CDCA2: variants seen among roughly 807,000 people sequenced by gnomAD.
CDCA2 encodes cell division cycle-associated protein 2.
Under a neutral mutation model 67.0 loss-of-function variants are expected in CDCA2, and 44 were observed. That is an observed-to-expected ratio of 0.66 (90% CI 0.52 to 0.84). The LOEUF (loss-of-function observed/expected upper bound fraction) is 0.84, where lower values mean the gene tolerates loss of function less well. Among genes scored for constraint, CDCA2 ranks in the 40% least tolerant of loss-of-function variants. The probability of loss-of-function intolerance (pLI) is 0.00; values close to 1 mark genes in which losing one functional copy is unlikely to be tolerated. For synonymous variants in CDCA2, 447 were observed against 418.7 expected (o/e 1.07, Z -0.82); for missense variants, 1,253 against 1,203.2 (o/e 1.04, Z -0.61).
At chr8:25,467,165 T>C (rs549439380) in intron 5 of CDCA2, among the ~76,000 whole-genome samples, 399 of 150,538 alleles carry the variant, frequency 2.7e-3, no homozygotes, top group Non-Finnish European at 4.4e-3. Flanking sequence ...CTTTTTTTTT[T>C]CCCCCCCAAT....
chr8:25,480,245 G>A (rs938444245), intron 8 of CDCA2, 121 bp downstream of exon 8: 29 of 856,704 alleles, frequency 3.4e-5, no homozygotes, highest in South Asian at 9.5e-5. Flanking sequence ...TCGTCTTACC[G>A]TAAATTTTTT....
At chr8:25,466,803 G>A (rs1802918676) in intron 5 of CDCA2, among the ~76,000 whole-genome samples, 1 of 152,054 alleles carries the variant, frequency 6.6e-6, no homozygotes, top group Admixed American at 6.5e-5. Context: ...AGCACTTTGG[G>A]AGGCTGAGAC....
chr8:25,503,430 T>C lies in CDCA2; in HGVS notation c.1729T>C (p.Leu577=). 3 of 1,614,054 alleles carry C rather than the reference T, an allele frequency of 1.9e-6. No homozygotes were observed. The highest frequency in any genetic ancestry group is 2.5e-6 in the Non-Finnish European group (3 of 1,179,934). ...GKGKKSVQKS[L]YGERDIASKK... ...GGGAAAGAAAAGTGTTCAGAAATCTTTATATGGGGAAAGAGACATTGCTTC... is the reference window on the plus strand; with the variant it reads ...GGGAAAGAAAAGTGTTCAGAAATCTCTATATGGGGAAAGAGACATTGCTTC... Residue 577 remains leucine (L), a synonymous_variant, in exon 14 of 15, where the codon TTA becomes CTA. Coordinates refer to ENST00000330560, the MANE Select transcript of CDCA2 (RefSeq NM_152562.4).
intron 5 of CDCA2, 78 bp from the exon 6 acceptor site, chr8:25,468,139 A>AT: frequency 9.0e-6 from 5 of 558,536 alleles, no homozygotes; most frequent in Non-Finnish European, 9.9e-6. Flanking sequence ...AAAAAAAAAA[A>AT]GAAAAGAAAA....
intron 13 of CDCA2, among the ~76,000 whole-genome samples, chr8:25,494,120 A>T (rs1277735629): frequency 6.6e-6 from 1 of 152,148 alleles, no homozygotes; most frequent in Non-Finnish European, 1.5e-5. Flanking sequence ...GGGGACACAG[A>T]TGGCCCTCTA....
chr8:25,462,025 T>C (rs1802710894), intron 3 of CDCA2, 29 bp from the exon 4 acceptor site: 1 of 1,603,202 alleles, frequency 6.2e-7, no homozygotes, highest in South Asian at 1.1e-5. Flanking sequence ...CCTTGTTTTG[T>C]TCCAATTTAT....
At chr8:25,496,367 AGG>A (rs1804223589) in intron 13 of CDCA2, among the ~76,000 whole-genome samples, 1 of 152,296 alleles carries the variant, frequency 6.6e-6, no homozygotes, top group Non-Finnish European at 1.5e-5. Context: ...GCTCTATTTC[AGG>A]TAAACAAATA....
chr8:25,482,626 T>C (rs1803615350), intron 8 of CDCA2, among the ~76,000 whole-genome samples: 1 of 152,240 alleles, frequency 6.6e-6, no homozygotes, highest in Non-Finnish European at 1.5e-5. Context: ...CCCAGCACTT[T>C]GGGAGGCCGA....
chr8:25,461,695 G>A (rs570077215), intron 3 of CDCA2, among the ~76,000 whole-genome samples: 1 of 152,066 alleles, frequency 6.6e-6, no homozygotes, highest in Admixed American at 6.5e-5. Flanking sequence ...CAGTTGCTGG[G>A]GATAAAACTG....
chr8:25,469,910 T>G lies in CDCA2; in HGVS notation c.750T>G (p.Leu250=). ...TTTTCCCCAAGATATCATCTAAACTTGGTTCAACACAGTCTGGATTTTTAG... is the reference window on the plus strand; with the variant it reads ...TTTTCCCCAAGATATCATCTAAACTGGGTTCAACACAGTCTGGATTTTTAG... ...SVDLSEISSK[L]GSTQSGFLVE... Residue 250 remains leucine, a synonymous_variant, in exon 7 of 15, where the codon CTT becomes CTG. Transcript: ENST00000330560. The G allele has an allele frequency of 6.2e-7, 1 of 1,609,196 alleles. No homozygotes were observed. The highest frequency in any genetic ancestry group is 8.5e-7 in the Non-Finnish European group (1 of 1,176,716).
At chr8:25,478,983 T>G (rs1803462793) in intron 7 of CDCA2, among the ~76,000 whole-genome samples, 1 of 151,716 alleles carries the variant, frequency 6.6e-6, no homozygotes, top group Non-Finnish European at 1.5e-5. Flanking sequence ...AAATCCAGTA[T>G]TCCCTTCACC....
At chr8:25,470,102 C>A in intron 7 of CDCA2, 122 bp downstream of exon 7, 2 of 596,258 alleles carry the variant, frequency 3.4e-6, no homozygotes, top group Non-Finnish European at 6.0e-6. Flanking sequence ...GAGCTCATGG[C>A]CTAGTAGAAA....
At position 25,465,460 on chromosome 8, in the gene CDCA2, T is replaced by C. The variant is rs139406638; in HGVS notation, c.388-715T>C. Among the ~76,000 whole-genome samples the C allele has an allele frequency of 1.2e-3, 181 of 152,330 alleles. 1 individual carries two copies. The highest frequency in any genetic ancestry group is 3.8e-3 in the African/African-American group (159 of 41,558). ...ATGTAAAGGGAACTCTCAATTTTTATATTACTTGTCTTTAACTGGCACTTC... is the reference window on the plus strand; with the variant it reads ...ATGTAAAGGGAACTCTCAATTTTTACATTACTTGTCTTTAACTGGCACTTC... On this transcript the variant is annotated intron_variant, in intron 4 of 14. Coordinates refer to ENST00000330560, the MANE Select transcript of CDCA2 (RefSeq NM_152562.4).
rs1802628236 is a variant in CDCA2 at position 25,460,281 on chromosome 8, G to A, written c.42G>A (p.Glu14=). ...AAGACAAGCCCCCTGAAACCAAGGA[G>A]TCTGCAATGAATAATGCTGGTATGT... ...NSKDKPPETK[E]SAMNNAGNAS... The change falls in exon 2 of 15, where the codon GAG becomes GAA. Residue 14 remains glutamate (E), a synonymous_variant. Transcript: ENST00000330560. 2 of 1,614,072 alleles carry A rather than the reference G, an allele frequency of 1.2e-6. No individual in the cohort carries two copies. The highest frequency in any genetic ancestry group is 1.1e-5 in the South Asian group (1 of 91,082).
At chr8:25,479,884 C>A (rs750868160) in intron 7 of CDCA2, 29 bp from the exon 8 acceptor site, 2 of 1,593,844 alleles carry the variant, frequency 1.3e-6, no homozygotes, top group East Asian at 4.5e-5. Flanking sequence ...AGATCTTCTG[C>A]CTCTCAAGTT....
intron 13 of CDCA2, among the ~76,000 whole-genome samples, chr8:25,498,457 C>CCA (rs1554526840): frequency 8.5e-6 from 1 of 117,574 alleles, no homozygotes; most frequent in Non-Finnish European, 1.9e-5. Context: ...ATCTGCACCC[C>CCA]CCCCCCGCCC....
chr8:25,475,405 G>C (rs540306687), intron 7 of CDCA2, among the ~76,000 whole-genome samples: 160 of 152,282 alleles, frequency 1.1e-3, no homozygotes, highest in African/African-American at 3.7e-3. Flanking sequence ...TGTAATCCCA[G>C]CTACTCAGGA....
At chr8:25,470,140 A>G (rs1337140594) in intron 7 of CDCA2, among the ~76,000 whole-genome samples, 160 bp downstream of exon 7, 2 of 152,116 alleles carry the variant, frequency 1.3e-5, no homozygotes, top group Non-Finnish European at 1.5e-5. Flanking sequence ...TATATGAGAG[A>G]TACTCTCTTT....
At chr8:25,499,145 T>A (rs966285120) in intron 13 of CDCA2, among the ~76,000 whole-genome samples, 1 of 152,086 alleles carries the variant, frequency 6.6e-6, no homozygotes, top group Non-Finnish European at 1.5e-5. Flanking sequence ...GTTAAAAATA[T>A]AGCAGTATGA....
Sources: allele counts gnomAD v4.1 joint callset (sites outside exome capture counted in the v4.1 genomes callset), GRCh38; gene constraint gnomAD v4.1.1; transcripts MANE v1.5; gene names NCBI Gene and HGNC (gene_info 2026-07-23, HGNC 2026-07-21).